RNF213: variants seen among roughly 807,000 people sequenced by gnomAD.
RNF213 encodes the protein E3 ubiquitin-protein ligase RNF213.
In RNF213, 341 loss-of-function variants were observed where a neutral mutation model predicts 514.4. The ratio of observed to expected loss-of-function variants is 0.66; its 90% CI spans 0.61 to 0.73. The LOEUF (loss-of-function observed/expected upper bound fraction) is 0.73, where lower values mean the gene tolerates loss of function less well. RNF213 is among the 30% of genes least tolerant of loss of function. RNF213 has a pLI of 0.00. For missense variants in RNF213, 5,767 were observed against 6,615.6 expected (o/e 0.87, Z 4.45); for synonymous variants, 2,655 against 2,658.2 (o/e 1.00, Z 0.04).
chr17:80,340,357 G>A lies in RNF213; in HGVS notation c.5989+1G>A. ...GTGGCCTCGGAGCGAGCAGGTGTTG[G>A]TAAGGAGAGCGGCAGGGTGGGCAGG... On this transcript the variant is annotated splice_donor_variant, in intron 26 of 67. Transcript: ENST00000582970. LOFTEE classifies it high-confidence loss of function. The A allele has an allele frequency of 6.2e-7, 1 of 1,605,488 alleles. No homozygotes were observed. The highest frequency in any genetic ancestry group is 8.5e-7 in the Non-Finnish European group (1 of 1,177,156).
intron 50 of RNF213, among the ~76,000 whole-genome samples, chr17:80,375,250 G>A (rs1406992086): frequency 6.6e-6 from 1 of 152,236 alleles, no homozygotes; most frequent in Non-Finnish European, 1.5e-5. Flanking sequence ...CAGGAACTTT[G>A]TAGCCCAAAA....
chr17:80,346,619 A>G lies in RNF213; in HGVS notation c.8284A>G (p.Lys2762Glu). 2.5e-6 allele frequency: 4 copies of G among 1,613,044 alleles called. No homozygotes were observed. The highest frequency in any genetic ancestry group is 3.4e-6 in the Non-Finnish European group (4 of 1,180,018). Reference protein sequence around the residue: ...VFMMVVCIELKIPLFLVGKPG... With the variant: ...VFMMVVCIELEIPLFLVGKPG... ...CATGATGGTCGTCTGCATCGAGCTGAAGATTCCCCTCTTCCTGGTGGGGAA... is the reference window on the plus strand; with the variant it reads ...CATGATGGTCGTCTGCATCGAGCTGGAGATTCCCCTCTTCCTGGTGGGGAA... Residue 2762 changes from lysine to glutamate, a missense_variant, in exon 29 of 68, where the codon AAG (lysine) becomes GAG (glutamate). By Grantham distance (56) the Lys-to-Glu change is moderately conservative (BLOSUM62 1). This residue lies in a region of RNF213 where 105 missense variants were observed against 183.9 expected (regional missense o/e 0.57). Coordinates refer to ENST00000582970, the MANE Select transcript of RNF213 (RefSeq NM_001256071.3). The surrounding 1 kb of genome is among the most constrained non-coding windows in gnomAD (Gnocchi z 8.1).
Position 80,396,677 on chromosome 17 carries a change from T to C in RNF213, c.*3179T>C, listed in dbSNP as rs1209101112. On this transcript the variant is annotated 3_prime_UTR_variant, in exon 68 of 68. Coordinates refer to ENST00000582970, the MANE Select transcript of RNF213 (RefSeq NM_001256071.3). ...CGTTCATTAAGTTCAACCATTACCA[T>C]TACGAATCCCGTTTCCAGCTGGAAA... The C allele has an allele frequency of 6.8e-6, 1 of 147,816 alleles. No homozygotes were observed. Among genetic ancestry groups the C allele is most frequent in the Non-Finnish European group, 1.5e-5 (1 of 67,592 alleles). The allele number at this position is 147,816 out of a possible 1,614,324, so 9.2% of individuals were successfully genotyped here.
intron 5 of RNF213, among the ~76,000 whole-genome samples, chr17:80,289,251 C>G: frequency 6.6e-6 from 1 of 152,254 alleles, no homozygotes; most frequent in South Asian, 2.1e-4. Flanking sequence ...GGGGAAGGGT[C>G]GTGAACATTC....
chr17:80,389,783 G>T (rs761616396), intron 65 of RNF213, 45 bp from the exon 66 acceptor site: 1 of 1,517,504 alleles, frequency 6.6e-7, no homozygotes. Flanking sequence ...ATGAGTGGGG[G>T]TGTGAGACCT....
At chr17:80,379,904 A>T in intron 55 of RNF213, 190 bp downstream of exon 55, 1 of 632,592 alleles carries the variant, frequency 1.6e-6, no homozygotes, top group East Asian at 2.9e-5. Context: ...CTGTTGTTGG[A>T]TCCCTGGGCC....
intron 39 of RNF213, 139 bp downstream of exon 39, chr17:80,362,027 C>A: frequency 1.0e-6 from 1 of 994,614 alleles, no homozygotes; most frequent in Non-Finnish European, 1.5e-6. Flanking sequence ...GCGAAGGGTG[C>A]CGGTGGGTGA....
rs1300975437 is a variant in RNF213, at chr17:80,345,788, T to A, written c.7453T>A (p.Phe2485Ile). The change falls in exon 29 of 68, where the codon TTT becomes ATT. Residue 2485 changes from phenylalanine (F) to isoleucine (I), a missense_variant. This residue lies in a region of RNF213 where 1,377 missense variants were observed against 1,635.2 expected (regional missense o/e 0.84). Transcript: ENST00000582970. The surrounding 1 kb of genome is among the most constrained non-coding windows in gnomAD (Gnocchi z 6.0). ...CCAACATCAGTTGGACACCATCTTGTTTTTTGATGAAGCCAACACAACGGA... is the reference window on the plus strand; with the variant it reads ...CCAACATCAGTTGGACACCATCTTGATTTTTGATGAAGCCAACACAACGGA... ...KDQHQLDTIL[F>I]FDEANTTEAI... 3.1e-6 allele frequency: 5 copies of A among 1,614,160 alleles called. No individual in the cohort carries two copies. Among genetic ancestry groups the A allele is most frequent in the Non-Finnish European group, 4.2e-6 (5 of 1,180,034 alleles).
chr17:80,304,925 A>G (rs910390352), intron 11 of RNF213, among the ~76,000 whole-genome samples: 3 of 151,788 alleles, frequency 2.0e-5, no homozygotes. Flanking sequence ...TAGGATTTTG[A>G]CTTCTCTGGG....
chr17:80,365,724 C>T (rs538165078), intron 42 of RNF213, among the ~76,000 whole-genome samples: 3 of 152,230 alleles, frequency 2.0e-5, no homozygotes, highest in Admixed American at 6.5e-5. Flanking sequence ...AGGACACAGC[C>T]GGTGCCCCCC....
At chr17:80,378,670 A>G (rs1219274303) in intron 54 of RNF213, among the ~76,000 whole-genome samples, 1 of 152,166 alleles carries the variant, frequency 6.6e-6, no homozygotes, top group Non-Finnish European at 1.5e-5. Context: ...AAAAACTGTT[A>G]CATACACTTC....
intron 60 of RNF213, 119 bp from the exon 61 acceptor site, chr17:80,385,419 A>C: frequency 1.0e-6 from 1 of 972,492 alleles, no homozygotes; most frequent in Non-Finnish European, 1.6e-6. Flanking sequence ...CACCTCAGAC[A>C]TGCTTGTGAC....
intron 25 of RNF213, among the ~76,000 whole-genome samples, chr17:80,338,627 A>G (rs1348622671): frequency 2.7e-5 from 3 of 111,066 alleles, no homozygotes; most frequent in Non-Finnish European, 5.6e-5. Context: ...CAAAAAGTAT[A>G]AGGTTTTTTT....
chr17:80,362,950 T>C (rs1010884800), intron 39 of RNF213, 152 bp from the exon 40 acceptor site: 13 of 752,030 alleles, frequency 1.7e-5, no homozygotes, highest in African/African-American at 5.3e-5. Flanking sequence ...GAGAGGCAGA[T>C]AGAAAACTGG....
chr17:80,302,100 G>A (rs547206206), intron 11 of RNF213, among the ~76,000 whole-genome samples: 249 of 152,330 alleles, frequency 1.6e-3, no homozygotes, highest in African/African-American at 5.5e-3. Context: ...TAGAAGGAGA[G>A]AGTAGAATAG....
In RNF213 at chr17:80,315,398, G is replaced by C. The variant is rs1180253369; in HGVS notation, c.2812-1790G>C. Among the ~76,000 whole-genome samples, 23 of 9,124 alleles carry C rather than the reference G, an allele frequency of 2.5e-3. 3 individuals are homozygous for C. Among genetic ancestry groups the C allele is most frequent in the Non-Finnish European group, 3.6e-3 (19 of 5,278 alleles). The allele number at this position is 9,124 out of a possible 152,430, so 6.0% of individuals were successfully genotyped here. On this transcript the variant is annotated intron_variant, in intron 15 of 67. Coordinates refer to ENST00000582970, the MANE Select transcript of RNF213 (RefSeq NM_001256071.3). Reference sequence around the variant, plus strand: ...AGGTAATGGAGGTGATGGTGGTGGTGGTGGTGGTACTGGAGGTGATGGTGG... The same window carrying C: ...AGGTAATGGAGGTGATGGTGGTGGTCGTGGTGGTACTGGAGGTGATGGTGG...
intron 3 of RNF213, among the ~76,000 whole-genome samples, chr17:80,286,211 C>T (rs1054802842): frequency 2.8e-5 from 4 of 145,158 alleles, no homozygotes; most frequent in Non-Finnish European, 6.0e-5. Flanking sequence ...GGACGCAGGC[C>T]GGTGTTGGAC....
At chr17:80,333,117 T>C (rs897333827) in intron 21 of RNF213, among the ~76,000 whole-genome samples, 4 of 151,742 alleles carry the variant, frequency 2.6e-5, no homozygotes, top group Non-Finnish European at 5.9e-5. Flanking sequence ...GGCGCGATCT[T>C]GGCTCACTGC....
At position 80,289,696 on chromosome 17, in the gene RNF213, C is replaced by G. The variant is rs114454593; in HGVS notation, c.971C>G (p.Ala324Gly). Residue 324 changes from alanine to glycine, a missense_variant, in exon 6 of 68, where the codon GCT becomes GGT. By Grantham distance (60) the Ala-to-Gly change is moderately conservative. Around this residue, in one of 13 missense-constraint regions of RNF213, gnomAD observed 509 missense variants for 496.7 expected, o/e 1.02. Transcript: ENST00000582970. ...ETKTKDEMAA[A>G]EEKVGKNEQG... ...AAGACCAAGGACGAGATGGCTGCTG[C>G]TGAAGAAAAAGTCGGTAAGAATGAA... 1.1e-3 allele frequency: 1,759 copies of G among 1,613,858 alleles called. 27 individuals carry two copies. In the African/African-American group the frequency reaches 0.021, roughly 19 times the overall value.
Sources: gnomAD v4.1 joint callset for allele counts (sites outside exome capture counted in the v4.1 genomes callset) on GRCh38, gnomAD v4.1.1 for gene constraint, gnomAD v4.1.1 regional missense constraint, Gnocchi (gnomAD v3.1) non-coding constraint, MANE v1.5 for transcripts, NCBI Gene and HGNC (gene_info 2026-07-23, HGNC 2026-07-21) for gene names.